Variants in SPATA17 observed in about 807,000 individuals in gnomAD.
The protein encoded by SPATA17 is spermatogenesis associated 17, also known as spermatogenesis-associated protein 17.
In SPATA17, 53 loss-of-function variants were observed where a neutral mutation model predicts 62.2. That is an observed-to-expected ratio of 0.85 (90% CI 0.68 to 1.07). The LOEUF (loss-of-function observed/expected upper bound fraction) is 1.07, where lower values mean the gene tolerates loss of function less well. Ranked by LOEUF, SPATA17 falls within the 50% of genes least tolerant of loss-of-function variation. The pLI is 0.00. For missense variants in SPATA17, 466 were observed against 425.5 expected (o/e 1.10, Z -0.84); for synonymous variants, 146 against 146.8 (o/e 0.99, Z 0.04).
intron 5 of SPATA17, among the ~76,000 whole-genome samples, chr1:217,690,641 C>A (rs1169021949): frequency 1.1e-5 from 1 of 93,496 alleles, no homozygotes; most frequent in Middle Eastern, 4.9e-3. Flanking sequence ...CCTCCCCCCT[C>A]CCCCCACCCC....
intron 3 of SPATA17, among the ~76,000 whole-genome samples, chr1:217,668,576 C>A (rs1670759929): frequency 6.6e-6 from 1 of 152,140 alleles, no homozygotes; most frequent in Non-Finnish European, 1.5e-5. Flanking sequence ...GCATCCATAT[C>A]CTTGAACGAT....
At chr1:217,773,460 C>G (rs1673505939) in intron 6 of SPATA17, among the ~76,000 whole-genome samples, 1 of 151,972 alleles carries the variant, frequency 6.6e-6, no homozygotes, top group South Asian at 2.1e-4. Context: ...AACCATATAT[C>G]AAAGATTGGT....
intron 5 of SPATA17, among the ~76,000 whole-genome samples, chr1:217,731,396 A>C (rs1672400273): frequency 6.6e-6 from 1 of 152,030 alleles, no homozygotes; most frequent in Non-Finnish European, 1.5e-5. Context: ...TTTAGATAAA[A>C]TTATTTCCCC....
intron 5 of SPATA17, among the ~76,000 whole-genome samples, chr1:217,689,906 TC>T (rs1671306616): frequency 1.3e-5 from 2 of 151,846 alleles, no homozygotes; most frequent in African/African-American, 4.8e-5. Flanking sequence ...TTTTTCTTTT[TC>T]TTTTTTTTTT....
At chr1:217,723,152 A>C (rs2102935716) in intron 5 of SPATA17, among the ~76,000 whole-genome samples, 1 of 152,272 alleles carries the variant, frequency 6.6e-6, no homozygotes, top group East Asian at 1.9e-4. Context: ...ATGTTGAGTT[A>C]CCGTTTATAG....
rs767380697 is a variant in SPATA17 at position 217,631,376 on chromosome 1, A to G, written c.-3A>G. On this transcript the variant is annotated 5_prime_UTR_variant, in exon 1 of 11. Coordinates refer to ENST00000366933, the MANE Select transcript of SPATA17 (RefSeq NM_138796.4). ...CCAGTTGTAAACCCAAGGCCAAGAG[A>G]CCATGGCCACGTTAGCCCGGCTGCA... is the stretch of plus-strand genomic sequence containing the variant. 25 of 1,613,910 alleles carry G rather than the reference A, an allele frequency of 1.5e-5. No individual in the cohort carries two copies. The highest frequency in any genetic ancestry group is 2.2e-5 in the South Asian group (2 of 91,084).
At chr1:217,689,674 TCCAGTGCACCTTC>T (rs1671302248) in intron 5 of SPATA17, among the ~76,000 whole-genome samples, 1 of 152,202 alleles carries the variant, frequency 6.6e-6, no homozygotes, top group Admixed American at 6.5e-5. Flanking sequence ...CAAACTGAGA[TCCAGTGCACCTTC>T]CCTTTCAATA....
chr1:217,705,735 G>A (rs538057824), intron 5 of SPATA17, among the ~76,000 whole-genome samples: 160 of 151,972 alleles, frequency 1.1e-3, no homozygotes, highest in Non-Finnish European at 1.9e-3. Context: ...CACCGTGCCC[G>A]GCCTATTTGT....
chr1:217,651,092 C>T lies in SPATA17; in HGVS notation c.159-5C>T. On this transcript the variant is annotated splice_region_variant and splice_polypyrimidine_tract_variant and intron_variant, in intron 2 of 10. Transcript: ENST00000366933. ...ATACTAATAAGCATATTTTTTTTAT[C>T]CTAGGCATTTAAACAGGATTGTAAC... 1.9e-6 allele frequency: 3 copies of T among 1,593,938 alleles called. No individual in the cohort carries two copies. The highest frequency in any genetic ancestry group is 2.2e-5 in the East Asian group (1 of 44,504).
chr1:217,677,957 A>T (rs1670990405), intron 4 of SPATA17, among the ~76,000 whole-genome samples: 1 of 152,128 alleles, frequency 6.6e-6, no homozygotes, highest in African/African-American at 2.4e-5. Context: ...GTGACAATGC[A>T]ATGATACCTA....
chr1:217,812,410 G>A (rs1004194200), intron 9 of SPATA17, among the ~76,000 whole-genome samples: 16 of 152,030 alleles, frequency 1.1e-4, no homozygotes, highest in Admixed American at 2.0e-4. Flanking sequence ...TTTCTCAAAA[G>A]TATGAAAATC....
intron 5 of SPATA17, among the ~76,000 whole-genome samples, chr1:217,703,545 C>CA (rs1671652515): frequency 6.6e-6 from 1 of 152,212 alleles, no homozygotes. Flanking sequence ...CTTTGGAAGA[C>CA]AGCTCTCTAG....
At chr1:217,837,038 C>T (rs536179155) in intron 9 of SPATA17, among the ~76,000 whole-genome samples, 1 of 152,186 alleles carries the variant, frequency 6.6e-6, no homozygotes, top group South Asian at 2.1e-4. Flanking sequence ...GCCTTCCCCA[C>T]AGTGCAGTAC....
At chr1:217,754,859 A>G (rs1383823984) in intron 6 of SPATA17, among the ~76,000 whole-genome samples, 1 of 152,068 alleles carries the variant, frequency 6.6e-6, no homozygotes, top group East Asian at 1.9e-4. Flanking sequence ...TATTAAAACT[A>G]GAGACTTAAG....
At chr1:217,732,625 A>G (rs1239731915) in intron 5 of SPATA17, among the ~76,000 whole-genome samples, 1 of 152,174 alleles carries the variant, frequency 6.6e-6, no homozygotes, top group Non-Finnish European at 1.5e-5. Context: ...GCCTTCATCT[A>G]TCTTTATGCA....
At chr1:217,685,588 G>GT (rs959942585) in intron 5 of SPATA17, among the ~76,000 whole-genome samples, 26 of 151,844 alleles carry the variant, frequency 1.7e-4, no homozygotes, top group African/African-American at 5.1e-4. Context: ...TATATAGGAT[G>GT]TTTTTTCTTT....
intron 5 of SPATA17, among the ~76,000 whole-genome samples, chr1:217,727,633 T>G (rs767758214): frequency 6.6e-6 from 1 of 152,192 alleles, no homozygotes; most frequent in Non-Finnish European, 1.5e-5. Context: ...TTAAAATGTA[T>G]AATATTCTTT....
At chr1:217,839,488 C>A (rs1205707972) in intron 9 of SPATA17, among the ~76,000 whole-genome samples, 4 of 151,950 alleles carry the variant, frequency 2.6e-5, no homozygotes, top group Non-Finnish European at 5.9e-5. Context: ...ATTTTTAATG[C>A]TGTTTCTGTA....
chr1:217,834,388 A>G (rs1481340423), intron 9 of SPATA17, among the ~76,000 whole-genome samples: 2 of 152,138 alleles, frequency 1.3e-5, no homozygotes, highest in African/African-American at 4.8e-5. Context: ...TCCAGAAGGC[A>G]TTATTATCTT....
Sources: gnomAD v4.1 joint callset for allele counts (sites outside exome capture counted in the v4.1 genomes callset) on GRCh38, gnomAD v4.1.1 for gene constraint, MANE v1.5 for transcripts, NCBI Gene and HGNC (gene_info 2026-07-23, HGNC 2026-07-21) for gene names.